The following FBLL1 variants were observed in gnomAD, a reference collection of about 807,000 sequenced individuals.
FBLL1 encodes RNA 2'-O-methyltransferase FBLL1.
Under a neutral mutation model 5.7 loss-of-function variants are expected in FBLL1, and 6 were observed. That is an observed-to-expected ratio of 1.05 (90% CI 0.57 to 2.07). The LOEUF (loss-of-function observed/expected upper bound fraction) is 2.07. Among genes scored for constraint, FBLL1 ranks in the 30% most tolerant of loss-of-function variants. The pLI, the probability that FBLL1 is intolerant of heterozygous loss-of-function variation, is 0.00. For missense variants in FBLL1, 258 were observed against 165.2 expected (o/e 1.56, Z -3.08); for synonymous variants, 133 against 75.1 (o/e 1.77, Z -3.99).
At position 168,530,465 on chromosome 5, in the gene FBLL1, G is replaced by A. The variant is rs760556209; in HGVS notation, c.961G>A (p.Val321Met). Residue 321 changes from valine (V) to methionine (M), a missense_variant, in exon 1 of 1, where the codon GTG becomes ATG. Transcript: ENST00000338333. The surrounding 1 kb of genome is among the most constrained non-coding windows in gnomAD (Gnocchi z 4.9). ...LEPYERDHAV[V>M]VGVYRPLPKS... ...GCCCTATGAGCGGGACCACGCTGTGGTGGTCGGGGTCTACCGACCTCTTCC... is the reference window on the plus strand; with the variant it reads ...GCCCTATGAGCGGGACCACGCTGTGATGGTCGGGGTCTACCGACCTCTTCC... The A allele has an allele frequency of 6.5e-6, 5 of 763,374 alleles. No individual in the cohort carries two copies. Among genetic ancestry groups the A allele is most frequent in the Non-Finnish European group, 1.2e-5 (5 of 417,170 alleles). 47.3% of individuals were successfully genotyped at this position (763,374 alleles called of 1,614,324 possible). A position where few individuals can be genotyped will look rare whatever the true frequency, so the allele number is the denominator to read the frequency against.
In FBLL1 at chr5:168,530,299, C is replaced by T. The variant is rs766746554; in HGVS notation, c.795C>T (p.Phe265=). 8 of 765,860 alleles carry T rather than the reference C, an allele frequency of 1.0e-5. No homozygotes were observed. The highest frequency in any genetic ancestry group is 1.7e-5 in the Admixed American group (1 of 59,024). 47.4% of individuals were successfully genotyped at this position (765,860 alleles called of 1,614,324 possible). ...TCGTGGCCCTGAACGCCCACACCTT[C>T]CTGCGCAATGGGGGCCACTTTCTCA... ...SRIVALNAHT[F]LRNGGHFLIS... is the part of the protein sequence containing the mutation. Residue 265 remains phenylalanine (F), a synonymous_variant, in exon 1 of 1, where the codon TTC becomes TTT. Transcript: ENST00000338333. This position sits in a 1 kb window ranked among gnomAD's most constrained non-coding sequence, Gnocchi z 4.9.
At position 168,529,335 on chromosome 5, in the gene FBLL1, A is replaced by T. The variant is rs1280397830; in HGVS notation, c.-170A>T. 1.3e-5 allele frequency: 2 copies of T among 152,824 alleles called. No individual in the cohort carries two copies. Among genetic ancestry groups the T allele is most frequent in the Non-Finnish European group, 2.9e-5 (2 of 68,030 alleles). 9.5% of individuals were successfully genotyped at this position (152,824 alleles called of 1,614,324 possible). Reference sequence around the variant, plus strand: ...CGCTGCGTCAAGGGGCGGCTCCGGGATGCGGGCACTGCGGTAGAGCCCGTC... The same window carrying T: ...CGCTGCGTCAAGGGGCGGCTCCGGGTTGCGGGCACTGCGGTAGAGCCCGTC... On this transcript the variant is annotated 5_prime_UTR_variant, in exon 1 of 1. It removes an upstream start codon present in the reference 5' UTR. Transcript: ENST00000338333. The surrounding 1 kb of genome is among the most constrained non-coding windows in gnomAD (Gnocchi z 7.2).
chr5:168,529,984 C>G lies in FBLL1; in HGVS notation c.480C>G (p.Ile160Met). Residue 160 changes from isoleucine to methionine, a missense_variant, in exon 1 of 1, where the codon ATC (isoleucine) becomes ATG (methionine). Coordinates refer to ENST00000338333, the MANE Select transcript of FBLL1 (RefSeq NM_001355274.2). This position sits in a 1 kb window ranked among gnomAD's most constrained non-coding sequence, Gnocchi z 7.2. Reference sequence around the variant, plus strand: ...TCCGCTCTAAGCTGGCCGCGGCCATCCTGGGCGGGGTGGACCAGATCCACA... The same window carrying G: ...TCCGCTCTAAGCTGGCCGCGGCCATGCTGGGCGGGGTGGACCAGATCCACA... Reference protein sequence around the residue: ...NPFRSKLAAAILGGVDQIHIK... With the variant: ...NPFRSKLAAAMLGGVDQIHIK... The G allele has an allele frequency of 1.3e-6, 1 of 751,776 alleles. No individual in the cohort carries two copies. Among genetic ancestry groups the G allele is most frequent in the Non-Finnish European group, 2.4e-6 (1 of 411,814 alleles). 46.6% of individuals were successfully genotyped at this position (751,776 alleles called of 1,614,324 possible).
Position 168,529,767 on chromosome 5 carries a change from A to C in FBLL1, c.263A>C (p.Lys88Thr). 1.5e-6 allele frequency: 1 copy of C among 687,024 alleles called. No homozygotes were observed. The highest frequency in any genetic ancestry group is 2.6e-6 in the Non-Finnish European group (1 of 377,582). 42.6% of individuals were successfully genotyped at this position (687,024 alleles called of 1,614,324 possible). Residue 88 changes from lysine (K) to threonine (T), a missense_variant, in exon 1 of 1, where the codon AAG becomes ACG. Lys to Thr is a moderately conservative substitution (Grantham distance 78, BLOSUM62 -1). Transcript: ENST00000338333. The surrounding 1 kb of genome is among the most constrained non-coding windows in gnomAD (Gnocchi z 7.2). ...CGGCGGGGCGGCGTGGCCAAGAGCA[A>C]GAGCCGCCGCAGGAAGGGCGCCATG... The part of the protein sequence containing the change: ...GQRRGGVAKS[K>T]SRRRKGAMVV...
Position 168,529,487 on chromosome 5 carries a change from C to A in FBLL1, c.-18C>A, listed in dbSNP as rs573565460. The A allele has an allele frequency of 7.4e-3, 1,147 of 154,914 alleles. 63 individuals are homozygous for A. Among genetic ancestry groups the A allele is most frequent in the Admixed American group, 0.07 (1,071 of 15,264 alleles). The allele number at this position is 154,914 out of a possible 1,614,324, so 9.6% of individuals were successfully genotyped here. On this transcript the variant is annotated 5_prime_UTR_variant, in exon 1 of 1. Coordinates refer to ENST00000338333, the MANE Select transcript of FBLL1 (RefSeq NM_001355274.2). The surrounding 1 kb of genome is among the most constrained non-coding windows in gnomAD (Gnocchi z 7.2). ...CCCGAGGCACCGGTAACCCACGGCA[C>A]CCGCCCCGGTGCGTGCCATGAAGTC...
rs769250248 is a variant in FBLL1 at position 168,530,196 on chromosome 5, A to T, written c.692A>T (p.His231Leu). Residue 231 changes from histidine (H) to leucine (L), a missense_variant, in exon 1 of 1, where the codon CAC becomes CTC. By Grantham distance (99) the His-to-Leu change is moderately conservative. Transcript: ENST00000338333. This position sits in a 1 kb window ranked among gnomAD's most constrained non-coding sequence, Gnocchi z 4.9. ...ATTCCGGTCCTGGAGGACGCGCGGC[A>T]CCCGCTCAAGTACCGCATGCTCATC... ...NIIPVLEDAR[H>L]PLKYRMLIGM... 7 of 765,392 alleles carry T rather than the reference A, an allele frequency of 9.1e-6. No individual in the cohort carries two copies. Among genetic ancestry groups the T allele is most frequent in the African/African-American group, 1.7e-5 (1 of 59,144 alleles). The allele number at this position is 765,392 out of a possible 1,614,324, so 47.4% of individuals were successfully genotyped here.
rs955911349 is a variant in FBLL1 at position 168,529,990 on chromosome 5, C to A, written c.486C>A (p.Gly162=). 3 of 751,120 alleles carry A rather than the reference C, an allele frequency of 4.0e-6. No homozygotes were observed. Among genetic ancestry groups the A allele is most frequent in the Non-Finnish European group, 4.9e-6 (2 of 411,326 alleles). 46.5% of individuals were successfully genotyped at this position (751,120 alleles called of 1,614,324 possible). The change falls in exon 1 of 1, where the codon GGC becomes GGA. Residue 162 remains glycine, a synonymous_variant. Coordinates refer to ENST00000338333, the MANE Select transcript of FBLL1 (RefSeq NM_001355274.2). The surrounding 1 kb of genome is among the most constrained non-coding windows in gnomAD (Gnocchi z 7.2). ...FRSKLAAAIL[G]GVDQIHIKPK... Reference sequence around the variant, plus strand: ...CTAAGCTGGCCGCGGCCATCCTGGGCGGGGTGGACCAGATCCACATCAAGC... The same window carrying A: ...CTAAGCTGGCCGCGGCCATCCTGGGAGGGGTGGACCAGATCCACATCAAGC...
In FBLL1 at chr5:168,529,660, G is replaced by A. The variant is rs1274935286; in HGVS notation, c.156G>A (p.Ala52=). Reference sequence around the variant, plus strand: ...AGGGGGGCAAGGGCGGCTTCGGGGCGCGGGCGCGCGGCTTCGGCGGGGGCG... The same window carrying A: ...AGGGGGGCAAGGGCGGCTTCGGGGCACGGGCGCGCGGCTTCGGCGGGGGCG... ...GGQGGKGGFG[A]RARGFGGGGR... Residue 52 remains alanine, a synonymous_variant, in exon 1 of 1, where the codon GCG becomes GCA. Coordinates refer to ENST00000338333, the MANE Select transcript of FBLL1 (RefSeq NM_001355274.2). This position sits in a 1 kb window ranked among gnomAD's most constrained non-coding sequence, Gnocchi z 7.2. 1.3e-5 allele frequency: 2 copies of A among 152,098 alleles called. No individual in the cohort carries two copies. Among genetic ancestry groups the A allele is most frequent in the East Asian group, 1.9e-4 (1 of 5,390 alleles). The allele number at this position is 152,098 out of a possible 1,614,324, so 9.4% of individuals were successfully genotyped here.
chr5:168,530,159 C>A lies in FBLL1; in HGVS notation c.655C>A (p.Arg219Ser), dbSNP rs758634740. The A allele has an allele frequency of 3.9e-6, 3 of 765,002 alleles. No homozygotes were observed. The highest frequency in any genetic ancestry group is 4.9e-5 in the East Asian group (2 of 41,210). 47.4% of individuals were successfully genotyped at this position (765,002 alleles called of 1,614,324 possible). ...CGATCTGGTCAACGTGGCCAAGAAG[C>A]GCACCAACATCATTCCGGTCCTGGA... The part of the protein sequence containing the change: ...GRDLVNVAKK[R>S]TNIIPVLEDA... Residue 219 changes from arginine (R) to serine (S), a missense_variant, in exon 1 of 1, where the codon CGC (arginine) becomes AGC (serine). Coordinates refer to ENST00000338333, the MANE Select transcript of FBLL1 (RefSeq NM_001355274.2). The surrounding 1 kb of genome is among the most constrained non-coding windows in gnomAD (Gnocchi z 4.9).
In FBLL1 at chr5:168,530,620, C is replaced by A; in HGVS notation, c.*111C>A. On this transcript the variant is annotated 3_prime_UTR_variant, in exon 1 of 1. Coordinates refer to ENST00000338333, the MANE Select transcript of FBLL1 (RefSeq NM_001355274.2). The surrounding 1 kb of genome is among the most constrained non-coding windows in gnomAD (Gnocchi z 4.9). ...GTTTTGTTGTTTTTCTATTAAACTG[C>A]ATAAAGAAACGGCACCTATCTGTAT... is the stretch of plus-strand genomic sequence containing the variant. 1 of 609,298 alleles carries A rather than the reference C, an allele frequency of 1.6e-6. No individual in the cohort carries two copies. The highest frequency in any genetic ancestry group is 2.9e-6 in the Non-Finnish European group (1 of 343,030). The allele number at this position is 609,298 out of a possible 1,614,324, so 37.7% of individuals were successfully genotyped here. A position where few individuals can be genotyped will look rare whatever the true frequency, so the allele number is the denominator to read the frequency against.
In FBLL1 at chr5:168,530,508, A is replaced by G. The variant is rs745341817; in HGVS notation, c.1004A>G (p.Ter335TrpextTer26). Reference protein sequence around the residue: ...YRPLPKSSSK* With the variant: ...YRPLPKSSSKW Reference sequence around the variant, plus strand: ...CCTCTTCCCAAGAGCAGCAGCAAATAGCACCCAGCTCAGGCTCGCCTGCCA... The same window carrying G: ...CCTCTTCCCAAGAGCAGCAGCAAATGGCACCCAGCTCAGGCTCGCCTGCCA... The change falls in exon 1 of 1, where the codon TAG becomes TGG. Residue 335 changes from the stop codon to tryptophan (W), a stop_lost. Transcript: ENST00000338333. The surrounding 1 kb of genome is among the most constrained non-coding windows in gnomAD (Gnocchi z 4.9). The G allele has an allele frequency of 1.3e-6, 1 of 759,728 alleles. No homozygotes were observed. Among genetic ancestry groups the G allele is most frequent in the Non-Finnish European group, 2.4e-6 (1 of 414,956 alleles). 47.1% of individuals were successfully genotyped at this position (759,728 alleles called of 1,614,324 possible).
rs774813326 is a variant in FBLL1, at chr5:168,529,993, G to A, written c.489G>A (p.Gly163=). 4.0e-6 allele frequency: 3 copies of A among 752,560 alleles called. No homozygotes were observed. Among genetic ancestry groups the A allele is most frequent in the Non-Finnish European group, 7.3e-6 (3 of 412,110 alleles). 46.6% of individuals were successfully genotyped at this position (752,560 alleles called of 1,614,324 possible). The part of the protein sequence containing the change: ...RSKLAAAILG[G]VDQIHIKPKS... ...AGCTGGCCGCGGCCATCCTGGGCGG[G>A]GTGGACCAGATCCACATCAAGCCCA... Residue 163 remains glycine (G), a synonymous_variant, in exon 1 of 1, where the codon GGG becomes GGA. Transcript: ENST00000338333. The surrounding 1 kb of genome is among the most constrained non-coding windows in gnomAD (Gnocchi z 7.2).
chr5:168,529,921 G>C lies in FBLL1; in HGVS notation c.417G>C (p.Glu139Asp), dbSNP rs1006871453. 1.4e-6 allele frequency: 1 copy of C among 730,318 alleles called. No homozygotes were observed. Among genetic ancestry groups the C allele is most frequent in the Non-Finnish European group, 2.5e-6 (1 of 401,004 alleles). The allele number at this position is 730,318 out of a possible 1,614,324, so 45.2% of individuals were successfully genotyped here. A position where few individuals can be genotyped will look rare whatever the true frequency, so the allele number is the denominator to read the frequency against. Residue 139 changes from glutamate to aspartate, a missense_variant, in exon 1 of 1, where the codon GAG (glutamate) becomes GAC (aspartate). Glu to Asp is a conservative substitution (Grantham distance 45). Transcript: ENST00000338333. This position sits in a 1 kb window ranked among gnomAD's most constrained non-coding sequence, Gnocchi z 7.2. ...VYGERRVTVT[E>D]GGVKQEYRTW... Reference sequence around the variant, plus strand: ...GCGAGAGGCGCGTCACGGTGACCGAGGGCGGCGTGAAGCAGGAGTACCGCA... The same window carrying C: ...GCGAGAGGCGCGTCACGGTGACCGACGGCGGCGTGAAGCAGGAGTACCGCA...
chr5:168,530,356 C>G lies in FBLL1; in HGVS notation c.852C>G (p.Thr284=), dbSNP rs755157750. Residue 284 remains threonine, a synonymous_variant, in exon 1 of 1, where the codon ACC becomes ACG. Coordinates refer to ENST00000338333, the MANE Select transcript of FBLL1 (RefSeq NM_001355274.2). The surrounding 1 kb of genome is among the most constrained non-coding windows in gnomAD (Gnocchi z 4.9). ...TCAAGGCCAACTGCATCGACTCCAC[C>G]GCATCCGCCGAGGCTGTGTTTGCTT... ...ISIKANCIDS[T]ASAEAVFASE... is the part of the protein sequence containing the mutation. 1.3e-6 allele frequency: 1 copy of G among 765,428 alleles called. No individual in the cohort carries two copies. The highest frequency in any genetic ancestry group is 1.3e-5 in the South Asian group (1 of 74,576). 47.4% of individuals were successfully genotyped at this position (765,428 alleles called of 1,614,324 possible). A position where few individuals can be genotyped will look rare whatever the true frequency, so the allele number is the denominator to read the frequency against.
Sources: allele counts gnomAD v4.1 joint callset, GRCh38; gene constraint gnomAD v4.1.1; non-coding constraint Gnocchi (gnomAD v3.1); transcripts MANE v1.5; gene names NCBI Gene and HGNC (gene_info 2026-07-23, HGNC 2026-07-21).